The following FAAP100 variants were observed in gnomAD, a reference collection of about 807,000 sequenced individuals.
The protein encoded by FAAP100 is FA core complex associated protein 100, also known as Fanconi anemia core complex-associated protein 100.
FAAP100 carries 46 observed loss-of-function variants against 65.8 expected under a neutral mutation model. The observed-to-expected ratio is 0.70, with a 90% CI of 0.55 to 0.89. The LOEUF is 0.89. FAAP100 is among the 40% of genes least tolerant of loss of function. FAAP100 has a pLI of 0.00. For missense variants in FAAP100, 1,165 were observed against 1,196.7 expected (o/e 0.97, Z 0.39); for synonymous variants, 663 against 555.1 (o/e 1.19, Z -2.73).
rs747291064 is a variant in FAAP100 at position 81,552,060 on chromosome 17, C to T, written c.166-8G>A. 1.1e-5 allele frequency: 16 copies of T among 1,506,672 alleles called. No individual in the cohort carries two copies. The highest frequency in any genetic ancestry group is 1.2e-5 in the Non-Finnish European group (14 of 1,138,162). 93.3% of individuals were successfully genotyped at this position (1,506,672 alleles called of 1,614,324 possible). A position where few individuals can be genotyped will look rare whatever the true frequency, so the allele number is the denominator to read the frequency against. On this transcript the variant is annotated splice_region_variant and splice_polypyrimidine_tract_variant and intron_variant, in intron 1 of 8. Coordinates refer to ENST00000327787, the MANE Select transcript of FAAP100 (RefSeq NM_025161.6). Reference sequence around the variant, plus strand: ...GGGGAACCGGAACGCCGCCTGCGGACCGGGGCGCGGGTCAGGCCGACGCGA... The same window carrying T: ...GGGGAACCGGAACGCCGCCTGCGGATCGGGGCGCGGGTCAGGCCGACGCGA...
In FAAP100 at chr17:81,540,481, G is replaced by A. The variant is rs2033043534; in HGVS notation, c.*338C>T. 2 of 409,518 alleles carry A rather than the reference G, an allele frequency of 4.9e-6. No homozygotes were observed. Among genetic ancestry groups the A allele is most frequent in the South Asian group, 1.1e-4 (1 of 9,376 alleles). The allele number at this position is 409,518 out of a possible 1,614,324, so 25.4% of individuals were successfully genotyped here. On this transcript the variant is annotated 3_prime_UTR_variant, in exon 9 of 9. Coordinates refer to ENST00000327787, the MANE Select transcript of FAAP100 (RefSeq NM_025161.6). ...TCCAGAATGCCCTGCACTGCCTCCT[G>A]GCCTCAGGGGCTGCTGCGGTGGTGG... is the stretch of plus-strand genomic sequence containing the variant.
intron 4 of FAAP100, 88 bp from the exon 5 acceptor site, chr17:81,547,766 GC>G: frequency 6.7e-7 from 1 of 1,483,608 alleles, no homozygotes; most frequent in Non-Finnish European, 9.3e-7. Flanking sequence ...TAGGCACCGA[GC>G]CTGGCTCCAC....
At chr17:81,551,748 G>C in intron 2 of FAAP100, 180 bp downstream of exon 2, 2 of 1,364,370 alleles carry the variant, frequency 1.5e-6, no homozygotes, top group South Asian at 3.5e-5. Context: ...CTGTGAGCAA[G>C]ACACTTGCAG....
chr17:81,545,594 A>T, intron 6 of FAAP100, 152 bp downstream of exon 6: 1 of 1,118,696 alleles, frequency 8.9e-7, no homozygotes, highest in Non-Finnish European at 1.2e-6. Context: ...GCTTGGTGCG[A>T]GGGGAAACTG....
chr17:81,545,652 C>G, intron 6 of FAAP100, 94 bp downstream of exon 6: 2 of 1,458,852 alleles, frequency 1.4e-6, no homozygotes, highest in East Asian at 2.5e-5. Flanking sequence ...GCCAGGCCCC[C>G]ACCCAGGGTG....
At position 81,545,591 on chromosome 17, in the gene FAAP100, G is replaced by A. The variant is rs2033269464; in HGVS notation, c.2310+155C>T. Among the ~76,000 whole-genome samples, 4 of 152,312 alleles carry A rather than the reference G, an allele frequency of 2.6e-5. No individual in the cohort carries two copies. In the Middle Eastern group the frequency reaches 0.014, roughly 518 times the overall value. On this transcript the variant is annotated intron_variant, in intron 6 of 8. Coordinates refer to ENST00000327787, the MANE Select transcript of FAAP100 (RefSeq NM_025161.6). ...CCTGCCTGAGTGGGGTCTGCTTGGT[G>A]CGAGGGGAAACTGTCATATCAGAGT...
intron 4 of FAAP100, chr17:81,548,297 G>C (rs911916184): frequency 4.6e-6 from 2 of 436,022 alleles, no homozygotes; most frequent in African/African-American, 3.9e-5. Flanking sequence ...AGAGCAGGGA[G>C]GGTGAGGACT....
At chr17:81,551,345 G>A in intron 2 of FAAP100, 142 bp from the exon 3 acceptor site, 1 of 788,906 alleles carries the variant, frequency 1.3e-6, no homozygotes, top group Non-Finnish European at 1.9e-6. Context: ...TCTGCCACAT[G>A]GCCTCCCACC....
At chr17:81,543,110 G>C (rs1477793958) in intron 7 of FAAP100, among the ~76,000 whole-genome samples, 1 of 152,236 alleles carries the variant, frequency 6.6e-6, no homozygotes, top group African/African-American at 2.4e-5. Flanking sequence ...GGTGCTGCGT[G>C]AGTTGATGTG....
chr17:81,546,562 G>C (rs1415830756), intron 5 of FAAP100: 1 of 270,168 alleles, frequency 3.7e-6, no homozygotes, highest in Admixed American at 5.3e-5. Context: ...TACATGGTGA[G>C]AGGGCTCCAC....
chr17:81,541,051 G>C (rs904263745), intron 8 of FAAP100, 101 bp from the exon 9 acceptor site: 25 of 1,400,388 alleles, frequency 1.8e-5, no homozygotes, highest in Non-Finnish European at 2.4e-5. Context: ...TACTTGGGAA[G>C]TGGCAGGTGG....
In FAAP100 at chr17:81,540,894, G is replaced by T. The variant is rs147650251; in HGVS notation, c.2571C>A (p.Ala857=). 1.6e-3 allele frequency: 2,557 copies of T among 1,586,934 alleles called. 6 individuals carry two copies. The highest frequency in any genetic ancestry group is 1.9e-3 in the Admixed American group (107 of 57,344). Residue 857 remains alanine (A), a synonymous_variant, in exon 9 of 9, where the codon GCC becomes GCA. Coordinates refer to ENST00000327787, the MANE Select transcript of FAAP100 (RefSeq NM_025161.6). ...GCCTCTGGGCGGTGGCACAGGAGCTGGCCTCATCCTCCGTGCAGAGCCGGT... is the reference window on the plus strand; with the variant it reads ...GCCTCTGGGCGGTGGCACAGGAGCTTGCCTCATCCTCCGTGCAGAGCCGGT... ...LRDRLCTEDE[A]SSCATAQRLL...
In FAAP100 at chr17:81,551,222, A is replaced by T; in HGVS notation, c.291-19T>A. The T allele has an allele frequency of 6.7e-7, 1 of 1,500,336 alleles. No individual in the cohort carries two copies. The allele number at this position is 1,500,336 out of a possible 1,614,324, so 92.9% of individuals were successfully genotyped here. A position where few individuals can be genotyped will look rare whatever the true frequency, so the allele number is the denominator to read the frequency against. On this transcript the variant is annotated intron_variant, in intron 2 of 8. Transcript: ENST00000327787. ...CGTAGACCTTTGAGAACAGGGACGC[A>T]CTGGTCAGGCCTGGGCAGGGTGGGA...
chr17:81,543,100 G>A (rs1318987650), intron 7 of FAAP100, among the ~76,000 whole-genome samples: 2 of 152,224 alleles, frequency 1.3e-5, no homozygotes, highest in African/African-American at 2.4e-5. Flanking sequence ...TCTGGGTCAT[G>A]GTGCTGCGTG....
At chr17:81,550,121 G>C (rs560302285) in intron 3 of FAAP100, 127 bp downstream of exon 3, 123 of 931,878 alleles carry the variant, frequency 1.3e-4, no homozygotes, top group Non-Finnish European at 1.4e-4. Context: ...CCACTAGGCT[G>C]TATCAGCACC....
At chr17:81,548,325 C>T (rs768370988) in intron 4 of FAAP100, 172 of 351,266 alleles carry the variant, frequency 4.9e-4, no homozygotes, top group Non-Finnish European at 8.3e-4. Context: ...GGACGTCTCC[C>T]GTGCCCCACT....
At chr17:81,542,983 A>G (rs910360967) in intron 7 of FAAP100, among the ~76,000 whole-genome samples, 13 of 152,160 alleles carry the variant, frequency 8.5e-5, no homozygotes, top group African/African-American at 3.1e-4. Context: ...AGGCAGCCCC[A>G]TCGTGGTGCC....
chr17:81,552,367 C>A, upstream of FAAP100: 2 of 1,309,692 alleles, frequency 1.5e-6, no homozygotes, highest in South Asian at 2.4e-5. Context: ...AAGCCCCGGC[C>A]GCGCGGCGGC....
In FAAP100 at chr17:81,545,772, C is replaced by A. The variant is rs755304067; in HGVS notation, c.2284G>T (p.Ala762Ser). 3.1e-6 allele frequency: 5 copies of A among 1,611,918 alleles called. No homozygotes were observed. The highest frequency in any genetic ancestry group is 4.2e-6 in the Non-Finnish European group (5 of 1,179,592). ...TCTCGGACGATGAGGTGAACGTTGG[C>A]GCCATCAGGGGCCACTCCCTGGATG... Reference protein sequence around the residue: ...SSIQGVAPDGANVHLIVREVA... With the variant: ...SSIQGVAPDGSNVHLIVREVA... The change falls in exon 6 of 9, where the codon GCC becomes TCC. Residue 762 changes from alanine to serine, a missense_variant. Coordinates refer to ENST00000327787, the MANE Select transcript of FAAP100 (RefSeq NM_025161.6).
Sources: allele counts gnomAD v4.1 joint callset (sites outside exome capture counted in the v4.1 genomes callset), GRCh38; gene constraint gnomAD v4.1.1; transcripts MANE v1.5; gene names NCBI Gene and HGNC (gene_info 2026-07-23, HGNC 2026-07-21).